SAMMSON: variants seen among roughly 807,000 people sequenced by gnomAD.
SAMMSON encodes long intergenic non-protein coding RNA 1212.
intron 7 of SAMMSON, among the ~76,000 whole-genome samples, chr3:70,325,561 G>T (rs1702572317): frequency 6.6e-6 from 1 of 152,118 alleles, no homozygotes; most frequent in Admixed American, 6.6e-5. Context: ...CAGTAATGTA[G>T]TCCCTTATAT....
At chr3:70,204,298 C>T (rs1169167113) in intron 4 of SAMMSON, among the ~76,000 whole-genome samples, 1 of 151,950 alleles carries the variant, frequency 6.6e-6, no homozygotes, top group African/African-American at 2.4e-5. Flanking sequence ...TCAGTACGAA[C>T]AATGACCCCA....
At chr3:70,093,497 C>G (rs1455946143) in intron 4 of SAMMSON, among the ~76,000 whole-genome samples, 3 of 152,156 alleles carry the variant, frequency 2.0e-5, no homozygotes, top group African/African-American at 7.2e-5. Context: ...ATGACTTGCT[C>G]TGTGTTAGAC....
At chr3:70,214,712 T>TA (rs1419832790) in intron 4 of SAMMSON, among the ~76,000 whole-genome samples, 1 of 151,920 alleles carries the variant, frequency 6.6e-6, no homozygotes, top group Non-Finnish European at 1.5e-5. Context: ...TGTACTTTTA[T>TA]AGCTAGATCA....
intron 4 of SAMMSON, among the ~76,000 whole-genome samples, chr3:70,101,780 A>G (rs867866577): frequency 1.3e-5 from 2 of 152,190 alleles, no homozygotes; most frequent in East Asian, 3.8e-4. Context: ...GAAACAGACC[A>G]AAAAGGTTAA....
At chr3:70,374,010 G>A (rs1209837067) in intron 9 of SAMMSON, among the ~76,000 whole-genome samples, 1 of 152,144 alleles carries the variant, frequency 6.6e-6, no homozygotes, top group Non-Finnish European at 1.5e-5. Context: ...CGCCTCCCAG[G>A]TTCAAGCGAT....
chr3:70,029,485 A>G (rs1492055), intron 3 of SAMMSON, among the ~76,000 whole-genome samples: 84,892 of 151,868 alleles, frequency 0.56, 25,537 homozygotes, highest in African/African-American at 0.77. Context: ...GGGGCGTGGT[A>G]GCTCATGCCT....
chr3:70,179,491 AC>A (rs1701034620), intron 4 of SAMMSON, among the ~76,000 whole-genome samples: 1 of 152,178 alleles, frequency 6.6e-6, no homozygotes, highest in Non-Finnish European at 1.5e-5. Flanking sequence ...CTTGGCTCCC[AC>A]CTTGTCCTGT....
chr3:70,344,384 G>A (rs1177452993), intron 7 of SAMMSON, among the ~76,000 whole-genome samples: 2 of 152,002 alleles, frequency 1.3e-5, no homozygotes, highest in Non-Finnish European at 2.9e-5. Context: ...GCCACTGGAT[G>A]GTCAAACTCC....
At chr3:70,234,639 CAAAA>C (rs34609524) in intron 4 of SAMMSON, among the ~76,000 whole-genome samples, 1 of 118,838 alleles carries the variant, frequency 8.4e-6, no homozygotes. Flanking sequence ...GACCCTGGCT[CAAAA>C]AAAAAAAAAA....
chr3:70,189,905 G>A (rs1033157614), intron 4 of SAMMSON, among the ~76,000 whole-genome samples: 1 of 152,194 alleles, frequency 6.6e-6, no homozygotes, highest in Admixed American at 6.5e-5. Flanking sequence ...AAGAGAATGA[G>A]ATGTTTTGGG....
chr3:70,279,617 C>A (rs756849572), intron 6 of SAMMSON, among the ~76,000 whole-genome samples: 1 of 152,128 alleles, frequency 6.6e-6, no homozygotes, highest in African/African-American at 2.4e-5. Context: ...CTCAGATTTG[C>A]GTTGCTCTCT....
At chr3:70,124,692 G>A (rs1271982743) in intron 4 of SAMMSON, among the ~76,000 whole-genome samples, 1 of 151,638 alleles carries the variant, frequency 6.6e-6, no homozygotes, top group Non-Finnish European at 1.5e-5. Context: ...GCGGGCGCCT[G>A]TAGTCCCAGC....
intron 4 of SAMMSON, among the ~76,000 whole-genome samples, chr3:70,217,395 A>C (rs1701425748): frequency 6.6e-6 from 1 of 152,128 alleles, no homozygotes; most frequent in Non-Finnish European, 1.5e-5. Flanking sequence ...TATTGAATTA[A>C]TGGTTGAATT....
intron 4 of SAMMSON, among the ~76,000 whole-genome samples, chr3:70,229,048 A>G (rs896936488): frequency 1.3e-5 from 2 of 152,230 alleles, no homozygotes; most frequent in African/African-American, 4.8e-5. Flanking sequence ...TAGCCTCCAC[A>G]GCTAAAGAGG....
At chr3:70,341,434 C>T (rs973629639) in intron 7 of SAMMSON, among the ~76,000 whole-genome samples, 15 of 152,110 alleles carry the variant, frequency 9.9e-5, no homozygotes, top group African/African-American at 3.6e-4. Context: ...TCTCAGTAAG[C>T]ACAGGTTTCT....
intron 6 of SAMMSON, among the ~76,000 whole-genome samples, chr3:70,260,050 G>T (rs1214673071): frequency 1.3e-5 from 2 of 152,128 alleles, no homozygotes; most frequent in Non-Finnish European, 2.9e-5. Flanking sequence ...GGGATTATAG[G>T]TTATAATTCA....
At chr3:70,117,846 A>G (rs1171136517) in intron 4 of SAMMSON, among the ~76,000 whole-genome samples, 1 of 152,242 alleles carries the variant, frequency 6.6e-6, no homozygotes, top group Admixed American at 6.5e-5. Context: ...AATTCTTTCT[A>G]TGAAAAATAT....
chr3:70,115,662 G>A (rs773596399), intron 4 of SAMMSON, among the ~76,000 whole-genome samples: 1 of 152,192 alleles, frequency 6.6e-6, no homozygotes, highest in Non-Finnish European at 1.5e-5. Flanking sequence ...AGTAGATGAA[G>A]GCATTTGTAA....
At chr3:70,385,059 G>T (rs1367221296) in intron 9 of SAMMSON, among the ~76,000 whole-genome samples, 1 of 152,098 alleles carries the variant, frequency 6.6e-6, no homozygotes, top group Admixed American at 6.6e-5. Flanking sequence ...ATGGTAGCCA[G>T]CTGAAAGCCA....
Sources: gnomAD v4.1 joint callset for allele counts (sites outside exome capture counted in the v4.1 genomes callset) on GRCh38, gnomAD v4.1.1 for gene constraint, MANE v1.5 for transcripts, NCBI Gene and HGNC (gene_info 2026-07-23, HGNC 2026-07-21) for gene names.